DPP6: variants seen among roughly 807,000 people sequenced by gnomAD.
The protein encoded by DPP6 is A-type potassium channel modulatory protein DPP6.
Under a neutral mutation model 122.6 loss-of-function variants are expected in DPP6, and 69 were observed. The ratio of observed to expected loss-of-function variants is 0.56; its 90% CI spans 0.46 to 0.69. DPP6 has a LOEUF of 0.69. Among genes scored for constraint, DPP6 ranks in the 30% least tolerant of loss-of-function variants. The pLI is 0.00. For synonymous variants in DPP6, 418 were observed against 433.1 expected, an observed-to-expected ratio of 0.97 and a Z score of 0.43; for missense variants, 928 against 1,116.9, an observed-to-expected ratio of 0.83 and a Z score of 2.41.
chr7:153,979,859 A>C (rs1455854075), intron 1 of DPP6, among the ~76,000 whole-genome samples: 3 of 152,080 alleles, frequency 2.0e-5, no homozygotes, highest in Non-Finnish European at 4.4e-5. Context: ...ATTGATTTGC[A>C]TGTGTTGAAC....
intron 3 of DPP6, among the ~76,000 whole-genome samples, chr7:154,504,720 A>G (rs1296518294): frequency 1.3e-5 from 2 of 152,126 alleles, no homozygotes; most frequent in Non-Finnish European, 2.9e-5. Context: ...AAAAATATCC[A>G]AGTTTATCTT....
At chr7:154,759,014 A>G (rs1010520918) in intron 8 of DPP6, among the ~76,000 whole-genome samples, 1 of 152,272 alleles carries the variant, frequency 6.6e-6, no homozygotes, top group South Asian at 2.1e-4. Context: ...GCAGATCCCA[A>G]TTTTGAGGGG....
At position 153,961,888 on chromosome 7, in the gene DPP6, C is replaced by T. The variant is rs376955210; in HGVS notation, c.51+74154C>T. On this transcript the variant is annotated intron_variant, in intron 1 of 25. Transcript: ENST00000404039. ...GGGAGGCAGAGCTCAGGCAGTAATG[C>T]GAGCGATGGGGAGCGGCTGTAAGTA... is the stretch of plus-strand genomic sequence containing the variant. Among the ~76,000 whole-genome samples the T allele has an allele frequency of 7.2e-4, 103 of 142,612 alleles. No individual in the cohort carries two copies. In the East Asian group the frequency reaches 0.012, roughly 17 times the overall value. The allele number at this position is 142,612 out of a possible 152,430, so 93.6% of individuals were successfully genotyped here. A position where few individuals can be genotyped will look rare whatever the true frequency, so the allele number is the denominator to read the frequency against.
At chr7:154,154,242 T>G (rs534697303) in intron 1 of DPP6, among the ~76,000 whole-genome samples, 2 of 152,372 alleles carry the variant, frequency 1.3e-5, no homozygotes, top group South Asian at 2.1e-4. Context: ...ATATTTTCAC[T>G]GAAATCGTTT....
chr7:154,626,525 G>A (rs1835076298), intron 5 of DPP6, among the ~76,000 whole-genome samples: 1 of 152,204 alleles, frequency 6.6e-6, no homozygotes, highest in Admixed American at 6.5e-5. Context: ...TCAATGACCT[G>A]AACAACTAGG....
intron 4 of DPP6, among the ~76,000 whole-genome samples, chr7:154,542,319 G>A (rs760784707): frequency 2.6e-5 from 4 of 152,242 alleles, no homozygotes; most frequent in South Asian, 2.1e-4. Flanking sequence ...AAATACTAAC[G>A]TTGTAGAAAT....
chr7:153,770,148 G>A, the DPP6 span, among the ~76,000 whole-genome samples: 85 of 152,206 alleles, frequency 5.6e-4, 1 homozygote, highest in Non-Finnish European at 8.8e-4. Context: ...GTCCATGAAG[G>A]AATAAAAAGT....
At chr7:154,691,519 T>C (rs1365988255) in intron 7 of DPP6, among the ~76,000 whole-genome samples, 1 of 152,150 alleles carries the variant, frequency 6.6e-6, no homozygotes, top group Non-Finnish European at 1.5e-5. Context: ...GGGAATTGAC[T>C]GAAAAGAAAA....
chr7:153,790,967 G>A, the DPP6 span, among the ~76,000 whole-genome samples: 3 of 152,148 alleles, frequency 2.0e-5, no homozygotes, highest in Admixed American at 6.5e-5. Flanking sequence ...GACCCGAGGA[G>A]ATAAAGAAAG....
chr7:154,719,401 G>GA (rs371483293), intron 7 of DPP6, among the ~76,000 whole-genome samples: 7,935 of 152,126 alleles, frequency 0.052, 518 homozygotes, highest in African/African-American at 0.15. Flanking sequence ...GGAAGGAAGG[G>GA]AGGATGGAAC....
chr7:154,309,467 C>G (rs531198992), intron 1 of DPP6, among the ~76,000 whole-genome samples: 1 of 152,132 alleles, frequency 6.6e-6, no homozygotes, highest in Non-Finnish European at 1.5e-5. Context: ...TTCCATAGAA[C>G]GGACATTGAA....
intron 15 of DPP6, among the ~76,000 whole-genome samples, chr7:154,806,558 C>T (rs1312544174): frequency 2.0e-5 from 3 of 152,336 alleles, no homozygotes; most frequent in Admixed American, 1.3e-4. Flanking sequence ...TGCTCACATG[C>T]CAGCGTTTGG....
intron 1 of DPP6, among the ~76,000 whole-genome samples, chr7:154,109,626 G>A (rs1806424364): frequency 6.6e-6 from 1 of 152,138 alleles, no homozygotes; most frequent in Non-Finnish European, 1.5e-5. Flanking sequence ...AATAATAATA[G>A]TTTTTTTAAA....
chr7:154,504,895 C>A (rs561243991), intron 3 of DPP6, among the ~76,000 whole-genome samples: 1 of 151,830 alleles, frequency 6.6e-6, no homozygotes, highest in South Asian at 2.1e-4. Flanking sequence ...CTAATATATG[C>A]ATATCTGGGT....
rs1486536650 is a variant in DPP6, at chr7:154,481,359, G to GTGTGTGTGTGTGTGTC, written c.457+6335_457+6350dup. ...GAGAGAGAGAGGGGTGTGTGTGTGT[G>GTGTGTGTGTGTGTGTC]TGTGTGTGTGTGTGTCTGTGTGTGT... On this transcript the variant is annotated intron_variant, in intron 3 of 25. Transcript: ENST00000377770. The surrounding 1 kb of genome is among the most constrained non-coding windows in gnomAD (Gnocchi z 4.2). Among the ~76,000 whole-genome samples, 1 of 151,602 alleles carries GTGTGTGTGTGTGTGTC rather than the reference G, an allele frequency of 6.6e-6. No individual in the cohort carries two copies. Among genetic ancestry groups the GTGTGTGTGTGTGTGTC allele is most frequent in the Non-Finnish European group, 1.5e-5 (1 of 67,882 alleles).
At chr7:154,756,293 C>G (rs1383977630) in intron 8 of DPP6, among the ~76,000 whole-genome samples, 1 of 152,286 alleles carries the variant, frequency 6.6e-6, no homozygotes, top group East Asian at 1.9e-4. Context: ...TCGTGCTGGG[C>G]TCATCTTCCC....
the DPP6 span, among the ~76,000 whole-genome samples, chr7:153,803,458 T>C: frequency 9.4e-6 from 1 of 106,750 alleles, no homozygotes; most frequent in African/African-American, 8.7e-5. Context: ...TTTCTGCCCC[T>C]GCCTACCTGC....
At chr7:154,290,611 A>G (rs1415139207) in intron 1 of DPP6, among the ~76,000 whole-genome samples, 12 of 149,504 alleles carry the variant, frequency 8.0e-5, no homozygotes, top group Non-Finnish European at 1.6e-4. Context: ...CATTGAACGC[A>G]CTGTAGCCTG....
At chr7:153,970,807 G>A (rs1242385041) in intron 1 of DPP6, among the ~76,000 whole-genome samples, 2 of 152,146 alleles carry the variant, frequency 1.3e-5, no homozygotes, top group Middle Eastern at 3.4e-3. Context: ...GCTACTGATG[G>A]ATGGGTCTGT....
Sources: allele counts gnomAD v4.1 joint callset (sites outside exome capture counted in the v4.1 genomes callset), GRCh38; gene constraint gnomAD v4.1.1; non-coding constraint Gnocchi (gnomAD v3.1); transcripts MANE v1.5; gene names NCBI Gene and HGNC (gene_info 2026-07-23, HGNC 2026-07-21).